FAM83B: variants seen among roughly 807,000 people sequenced by gnomAD.
The protein encoded by FAM83B is protein FAM83B.
A neutral mutation model predicts 38.8 loss-of-function variants in FAM83B; 26 were observed. The ratio of observed to expected loss-of-function variants is 0.67; its 90% CI spans 0.49 to 0.93. The LOEUF is 0.93. Among genes scored for constraint, FAM83B ranks in the 40% least tolerant of loss-of-function variants. The probability of loss-of-function intolerance (pLI) is 0.00; values close to 1 mark genes in which losing one functional copy is unlikely to be tolerated. For synonymous variants in FAM83B, 419 were observed against 423.1 expected, an observed-to-expected ratio of 0.99 and a Z score of 0.12; for missense variants, 1,237 against 1,197.3, an observed-to-expected ratio of 1.03 and a Z score of -0.49.
intron 1 of FAM83B, among the ~76,000 whole-genome samples, chr6:54,862,897 A>G (rs1771619976): frequency 1.3e-5 from 2 of 152,080 alleles, no homozygotes; most frequent in African/African-American, 2.4e-5. Context: ...CACGAAAAAA[A>G]AAATCCACCT....
intron 1 of FAM83B, among the ~76,000 whole-genome samples, chr6:54,849,038 A>G (rs1771204858): frequency 6.6e-6 from 1 of 152,118 alleles, no homozygotes; most frequent in Non-Finnish European, 1.5e-5. Context: ...TTAATTTCTG[A>G]TCTGGAGATG....
chr6:54,934,736 T>C (rs918856208), intron 4 of FAM83B, among the ~76,000 whole-genome samples: 1 of 152,148 alleles, frequency 6.6e-6, no homozygotes, highest in Non-Finnish European at 1.5e-5. Flanking sequence ...GAGTGCTTCA[T>C]GGGAAAGGAA....
intron 1 of FAM83B, among the ~76,000 whole-genome samples, chr6:54,862,046 A>G (rs907807355): frequency 2.6e-5 from 4 of 152,180 alleles, no homozygotes; most frequent in African/African-American, 4.8e-5. Context: ...TTATTATTCA[A>G]TCAGACATTA....
At chr6:54,878,046 C>G (rs1772040505) in intron 2 of FAM83B, among the ~76,000 whole-genome samples, 2 of 152,098 alleles carry the variant, frequency 1.3e-5, no homozygotes, top group South Asian at 4.1e-4. Flanking sequence ...GAATGTAGAC[C>G]AGGCCAGGAG....
At chr6:54,850,083 G>A (rs1229933808) in intron 1 of FAM83B, among the ~76,000 whole-genome samples, 1 of 152,164 alleles carries the variant, frequency 6.6e-6, no homozygotes, top group African/African-American at 2.4e-5. Context: ...ATCTTAGGAA[G>A]CTTCCAGTTT....
chr6:54,907,757 C>A (rs1772806857), intron 2 of FAM83B, among the ~76,000 whole-genome samples: 1 of 152,000 alleles, frequency 6.6e-6, no homozygotes, highest in Non-Finnish European at 1.5e-5. Flanking sequence ...TCTGGTTAAA[C>A]ACTGTAATGT....
At chr6:54,926,217 C>A (rs1773282939) in intron 2 of FAM83B, among the ~76,000 whole-genome samples, 154 bp from the exon 3 acceptor site, 1 of 152,066 alleles carries the variant, frequency 6.6e-6, no homozygotes, top group African/African-American at 2.4e-5. Flanking sequence ...ATGGTTTTAT[C>A]TTCTGTTTTA....
chr6:54,896,310 GTAGCATCCATCTCGAATGA>G (rs1772532443), intron 2 of FAM83B, among the ~76,000 whole-genome samples: 1 of 152,170 alleles, frequency 6.6e-6, no homozygotes, highest in Non-Finnish European at 1.5e-5. Context: ...TGGCTACCTT[GTAGCATCCATCTCGAATGA>G]TGCAAAAAAC....
intron 1 of FAM83B, among the ~76,000 whole-genome samples, chr6:54,864,719 T>C (rs944698554): frequency 6.6e-6 from 1 of 152,194 alleles, no homozygotes; most frequent in Non-Finnish European, 1.5e-5. Flanking sequence ...CAAACAATCT[T>C]GACAGCTGAA....
chr6:54,861,186 T>C (rs915568255), intron 1 of FAM83B, among the ~76,000 whole-genome samples: 1 of 152,256 alleles, frequency 6.6e-6, no homozygotes, highest in Non-Finnish European at 1.5e-5. Context: ...TAATTTGAGA[T>C]GAATTTGAGC....
In FAM83B at chr6:54,941,838, C is replaced by T; in HGVS notation, c.2867C>T (p.Thr956Ile). 1.3e-6 allele frequency: 2 copies of T among 1,578,392 alleles called. No individual in the cohort carries two copies. The highest frequency in any genetic ancestry group is 2.7e-5 in the African/African-American group (2 of 73,532). Residue 956 changes from threonine to isoleucine, a missense_variant, in exon 5 of 5, where the codon ACC (threonine) becomes ATC (isoleucine). Physicochemically the swap from Thr to Ile is moderately conservative, Grantham distance 89. Transcript: ENST00000306858. ...CAGCCAACAAGCAACATGCCAAATA[C>T]CAGTATAAATCGCCCAGAAATAAAA... is the stretch of plus-strand genomic sequence containing the variant. ...SIQPTSNMPN[T>I]SINRPEIKSA...
chr6:54,904,248 A>G lies in FAM83B; in HGVS notation c.445-22123A>G, dbSNP rs369682846. ...TTTTTAATGTTGCTAGAGAATGATG[A>G]TCAGTACATATGCTGATATGTAGGC... On this transcript the variant is annotated intron_variant, in intron 2 of 4. Coordinates refer to ENST00000306858, the MANE Select transcript of FAM83B (RefSeq NM_001010872.3). Among the ~76,000 whole-genome samples the G allele has an allele frequency of 1.1e-4, 17 of 152,286 alleles. No individual in the cohort carries two copies. The East Asian group carries it at 3.1e-3, about 28-fold the overall frequency.
intron 2 of FAM83B, among the ~76,000 whole-genome samples, chr6:54,913,755 G>A (rs1312910677): frequency 6.6e-6 from 1 of 151,978 alleles, no homozygotes; most frequent in Non-Finnish European, 1.5e-5. Flanking sequence ...ATATGTATAT[G>A]AAGAATCAGT....
intron 2 of FAM83B, among the ~76,000 whole-genome samples, chr6:54,896,682 A>G (rs770277129): frequency 3.9e-5 from 6 of 152,246 alleles, no homozygotes; most frequent in Non-Finnish European, 7.3e-5. Flanking sequence ...AAAATTGTCA[A>G]TGTCTCAGAG....
At chr6:54,859,059 AC>A (rs1239935780) in intron 1 of FAM83B, among the ~76,000 whole-genome samples, 4 of 140,816 alleles carry the variant, frequency 2.8e-5, no homozygotes, top group Non-Finnish European at 6.2e-5. Context: ...CACCGTGCCC[AC>A]CCCCCAGCCC....
intron 1 of FAM83B, among the ~76,000 whole-genome samples, chr6:54,862,446 C>T (rs963590228): frequency 6.6e-6 from 1 of 152,174 alleles, no homozygotes; most frequent in Non-Finnish European, 1.5e-5. Context: ...GTGGGAAGGA[C>T]ACTAGATGGC....
intron 1 of FAM83B, among the ~76,000 whole-genome samples, chr6:54,869,473 G>T (rs1771792787): frequency 6.6e-6 from 1 of 151,278 alleles, no homozygotes. Context: ...AGCATGCCAG[G>T]TTTTTTTTTC....
rs757285314 is a variant in FAM83B at position 54,941,708 on chromosome 6, A to G, written c.2737A>G (p.Thr913Ala). The G allele has an allele frequency of 6.2e-7, 1 of 1,614,070 alleles. No homozygotes were observed. The highest frequency in any genetic ancestry group is 1.1e-5 in the South Asian group (1 of 91,080). ...AGTTGTTACCCCTGAAAGAAGACCT[A>G]CTTCTTCTCCAAGGCCAACGTCCAG... ...NAVVTPERRP[T>A]SSPRPTSSEL... Residue 913 changes from threonine to alanine, a missense_variant, in exon 5 of 5, where the codon ACT (threonine) becomes GCT (alanine). Physicochemically the swap from Thr to Ala is moderately conservative, Grantham distance 58. Coordinates refer to ENST00000306858, the MANE Select transcript of FAM83B (RefSeq NM_001010872.3).
chr6:54,853,582 C>A (rs889914861), intron 1 of FAM83B, among the ~76,000 whole-genome samples: 2 of 152,118 alleles, frequency 1.3e-5, no homozygotes, highest in African/African-American at 4.8e-5. Flanking sequence ...GATGAGAGCA[C>A]ATCTGTTTAC....
Sources: allele counts gnomAD v4.1 joint callset (sites outside exome capture counted in the v4.1 genomes callset), GRCh38; gene constraint gnomAD v4.1.1; transcripts MANE v1.5; gene names NCBI Gene and HGNC (gene_info 2026-07-23, HGNC 2026-07-21).